Variants in SYNC observed in about 807,000 individuals in gnomAD.
The protein encoded by SYNC is syncoilin.
SYNC carries 38 observed loss-of-function variants against 49.5 expected under a neutral mutation model. The ratio of observed to expected loss-of-function variants is 0.77; its 90% confidence interval spans 0.59 to 1.01. SYNC has a LOEUF of 1.01. Ranked by LOEUF, SYNC falls within the 50% of genes least tolerant of loss-of-function variation. The pLI, the probability that SYNC is intolerant of heterozygous loss-of-function variation, is 0.00. For synonymous variants in SYNC, 201 were observed against 230.8 expected, an observed-to-expected ratio of 0.87 and a Z score of 1.17; for missense variants, 579 against 580.6, an observed-to-expected ratio of 1.00 and a Z score of 0.03.
At chr1:32,700,461 C>T (rs924938984) in intron 1 of SYNC, among the ~76,000 whole-genome samples, 3 of 152,086 alleles carry the variant, frequency 2.0e-5, no homozygotes, top group Admixed American at 6.6e-5. Flanking sequence ...TTTGGGAGGC[C>T]GAGGCGGGTG....
rs964189424 is a variant in SYNC at position 32,702,281 on chromosome 1, G to C, written c.53+327C>G. Among the ~76,000 whole-genome samples the C allele has an allele frequency of 1.3e-5, 2 of 152,248 alleles. No homozygotes were observed. Among genetic ancestry groups the C allele is most frequent in the African/African-American group, 4.8e-5 (2 of 41,468 alleles). On this transcript the variant is annotated intron_variant, in intron 1 of 4. Transcript: ENST00000409190. The surrounding 1 kb of genome is among the most constrained non-coding windows in gnomAD (Gnocchi z 6.2). ...GTCTCCAACTGACATTTGCAGGGAGGAATGAAGGCTAGCGAGAAGTGTCTT... is the reference window on the plus strand; with the variant it reads ...GTCTCCAACTGACATTTGCAGGGAGCAATGAAGGCTAGCGAGAAGTGTCTT...
At position 32,689,546 on chromosome 1, in the gene SYNC, C is replaced by G. The variant is rs948362472; in HGVS notation, c.1234-5164G>C. Among the ~76,000 whole-genome samples, 11 of 152,000 alleles carry G rather than the reference C, an allele frequency of 7.2e-5. 1 individual carries two copies. Among genetic ancestry groups the G allele is most frequent in the Admixed American group, 6.6e-4 (10 of 15,220 alleles). On this transcript the variant is annotated intron_variant, in intron 2 of 4. Coordinates refer to ENST00000409190, the MANE Select transcript of SYNC (RefSeq NM_030786.3). ...CCAGCACATAGCTCACTGCCTGGCC[C>G]ACAGTAATTAGGCACTTAGAAACTG...
chr1:32,680,009 GT>G lies in SYNC; in HGVS notation c.*1840del. The G allele has an allele frequency of 2.6e-6, 3 of 1,139,756 alleles. No individual in the cohort carries two copies. Among genetic ancestry groups the G allele is most frequent in the Non-Finnish European group, 3.2e-6 (3 of 929,134 alleles). 70.6% of individuals were successfully genotyped at this position (1,139,756 alleles called of 1,614,324 possible). On this transcript the variant is annotated 3_prime_UTR_variant, in exon 5 of 5. Coordinates refer to ENST00000409190, the MANE Select transcript of SYNC (RefSeq NM_030786.3). ...TTTTCTTCTTATGCTATATCCCCAAGTTTTTCAGACTCATTTAAGTAAAGGC... is the reference window on the plus strand; with the variant it reads ...TTTTCTTCTTATGCTATATCCCCAAGTTTTCAGACTCATTTAAGTAAAGGC...
chr1:32,687,855 A>ATTATTATTATTAATATTATTATT, intron 2 of SYNC, among the ~76,000 whole-genome samples: 1 of 135,502 alleles, frequency 7.4e-6, no homozygotes, highest in African/African-American at 2.7e-5. Context: ...TATTATTATT[A>ATTATTATTATTAATATTATTATT]TTATTATTTT....
intron 2 of SYNC, among the ~76,000 whole-genome samples, chr1:32,688,742 C>T (rs1650013487): frequency 6.6e-6 from 1 of 151,810 alleles, no homozygotes; most frequent in South Asian, 2.1e-4. Context: ...ACCACCACGC[C>T]CGGCTAATTT....
chr1:32,684,388 T>G lies in SYNC; in HGVS notation c.1234-6A>C. The G allele has an allele frequency of 6.2e-7, 1 of 1,614,186 alleles. No homozygotes were observed. The highest frequency in any genetic ancestry group is 8.5e-7 in the Non-Finnish European group (1 of 1,180,042). On this transcript the variant is annotated splice_polypyrimidine_tract_variant and splice_region_variant and intron_variant, in intron 2 of 4. Transcript: ENST00000409190. ...TCCATTTCCTCCAGCTGTTCCTGCA[T>G]GAGATGGCCAAGAACATTTCTAATG...
At chr1:32,698,681 C>G (rs947379777) in intron 1 of SYNC, among the ~76,000 whole-genome samples, 1 of 152,162 alleles carries the variant, frequency 6.6e-6, no homozygotes, top group African/African-American at 2.4e-5. Context: ...TGCCTATTGC[C>G]TGCCAGCTCA....
intron 1 of SYNC, among the ~76,000 whole-genome samples, chr1:32,696,400 T>C (rs190641463): frequency 6.6e-6 from 1 of 152,096 alleles, no homozygotes; most frequent in East Asian, 1.9e-4. Flanking sequence ...CTGCAACCTC[T>C]GTCCCCCAGT....
chr1:32,688,743 C>T (rs1182786134), intron 2 of SYNC, among the ~76,000 whole-genome samples: 2 of 151,926 alleles, frequency 1.3e-5, no homozygotes, highest in Non-Finnish European at 2.9e-5. Context: ...CCACCACGCC[C>T]GGCTAATTTT....
intron 4 of SYNC, 95 bp from the exon 5 acceptor site, chr1:32,681,955 G>T: frequency 9.2e-7 from 1 of 1,081,808 alleles, no homozygotes; most frequent in Non-Finnish European, 1.4e-6. Context: ...TGTGATTTAT[G>T]GATGATCAGG....
chr1:32,684,051 G>A lies in SYNC; in HGVS notation c.1397C>T (p.Ala466Val), dbSNP rs1570892957. 2 of 1,614,214 alleles carry A rather than the reference G, an allele frequency of 1.2e-6. No homozygotes were observed. Among genetic ancestry groups the A allele is most frequent in the African/African-American group, 1.3e-5 (1 of 75,062 alleles). Residue 466 changes from alanine (A) to valine (V), a missense_variant, in exon 4 of 5, where the codon GCT (alanine) becomes GTT (valine). Physicochemically the swap from Ala to Val is moderately conservative, Grantham distance 64. Coordinates refer to ENST00000409190, the MANE Select transcript of SYNC (RefSeq NM_030786.3). ...LLPKSLEQAD[A>V]PTSQAGGMET... is the part of the protein sequence containing the mutation. Reference sequence around the variant, plus strand: ...CATTCCACCTGCCTGAGAAGTGGGAGCATCAGCCTGTTCCAGGCTCTTGGG... The same window carrying A: ...CATTCCACCTGCCTGAGAAGTGGGAACATCAGCCTGTTCCAGGCTCTTGGG...
chr1:32,695,379 C>T lies in SYNC; in HGVS notation c.719G>A (p.Arg240Gln), dbSNP rs1250623725. The stretch of plus-strand genomic sequence containing the variant: ...TTTGAAAAGCTTCTGCTTGACCAGC[C>T]GGATCTCCTCCCTTAGGCCATCTCT... ...LERDGLREEIRLVKQKLFKVT... is the reference protein window; with the variant it reads ...LERDGLREEIQLVKQKLFKVT... The change falls in exon 2 of 5, where the codon CGG (arginine) becomes CAG (glutamine). Residue 240 changes from arginine (R) to glutamine (Q), a missense_variant. By Grantham distance (43) the Arg-to-Gln change is conservative (BLOSUM62 1). Coordinates refer to ENST00000409190, the MANE Select transcript of SYNC (RefSeq NM_030786.3). The T allele has an allele frequency of 1.3e-5, 20 of 1,551,564 alleles. No homozygotes were observed. The highest frequency in any genetic ancestry group is 4.1e-5 in the African/African-American group (3 of 72,876).
At chr1:32,690,532 C>G (rs915926451) in intron 2 of SYNC, among the ~76,000 whole-genome samples, 2 of 151,876 alleles carry the variant, frequency 1.3e-5, no homozygotes, top group African/African-American at 4.8e-5. Context: ...GTAATCCCAG[C>G]TACTTGGGAG....
In SYNC at chr1:32,702,103, G is replaced by A. The variant is rs968521476; in HGVS notation, c.53+505C>T. On this transcript the variant is annotated intron_variant, in intron 1 of 4. Coordinates refer to ENST00000409190, the MANE Select transcript of SYNC (RefSeq NM_030786.3). This position sits in a 1 kb window ranked among gnomAD's most constrained non-coding sequence, Gnocchi z 6.2. ...AATAATCAGCCGTGCCCTGCCAGGA[G>A]GGATAGTGGGGAGGGCCCCTGGACC... Among the ~76,000 whole-genome samples, 1 of 152,180 alleles carries A rather than the reference G, an allele frequency of 6.6e-6. No individual in the cohort carries two copies. Among genetic ancestry groups the A allele is most frequent in the African/African-American group, 2.4e-5 (1 of 41,440 alleles).
At position 32,684,315 on chromosome 1, in the gene SYNC, T is replaced by C. The variant is rs1283267529; in HGVS notation, c.1301A>G (p.Lys434Arg). The C allele has an allele frequency of 2.5e-6, 4 of 1,614,100 alleles. No individual in the cohort carries two copies. In the Admixed American group the frequency reaches 5.0e-5, roughly 20 times the overall value. Reference protein sequence around the residue: ...LRNGVQLQQQKNKEMEQLRLS... With the variant: ...LRNGVQLQQQRNKEMEQLRLS... ...CCTTAGCTGTTCCATCTCTTTGTTC[T>C]TCTGTTGCTGGAGTTGCACCCCATT... Residue 434 changes from lysine to arginine, a missense_variant, in exon 3 of 5, where the codon AAG (lysine) becomes AGG (arginine). Coordinates refer to ENST00000409190, the MANE Select transcript of SYNC (RefSeq NM_030786.3).
chr1:32,702,621 C>A lies in SYNC; in HGVS notation c.40G>T (p.Ala14Ser). ...PEPRRGGDGA[A>S]QAARKTRVEA... is the part of the protein sequence containing the mutation. ...GCACTGTCCTACCTCGCGGCCTGGG[C>A]GGCGCCGTCCCCGCCGCGCCGGGGC... The change falls in exon 1 of 5, where the codon GCC (alanine) becomes TCC (serine). Residue 14 changes from alanine (A) to serine (S), a missense_variant. Physicochemically the swap from Ala to Ser is moderately conservative, Grantham distance 99 (BLOSUM62 1). Coordinates refer to ENST00000409190, the MANE Select transcript of SYNC (RefSeq NM_030786.3). The surrounding 1 kb of genome is among the most constrained non-coding windows in gnomAD (Gnocchi z 6.2). 8.4e-7 allele frequency: 1 copy of A among 1,191,902 alleles called. No homozygotes were observed. Among genetic ancestry groups the A allele is most frequent in the Non-Finnish European group, 1.0e-6 (1 of 963,534 alleles). 73.8% of individuals were successfully genotyped at this position (1,191,902 alleles called of 1,614,324 possible). A position where few individuals can be genotyped will look rare whatever the true frequency, so the allele number is the denominator to read the frequency against.
chr1:32,697,744 CAAAA>C (rs966175267), intron 1 of SYNC, among the ~76,000 whole-genome samples: 33 of 150,186 alleles, frequency 2.2e-4, no homozygotes, highest in Non-Finnish European at 4.2e-4. Context: ...AAAAAAAAAA[CAAAA>C]AAAACCCAGC....
At position 32,695,693 on chromosome 1, in the gene SYNC, G is replaced by A. The variant is rs1300085234; in HGVS notation, c.405C>T (p.His135=). ...TGACTGTCTCTCCCTCATAAACAAC[G>A]TGCTCTGGGCTTGTGGGCTTTCCTG... ...VEPGKPTSPE[H]VVYEGETVTR... Residue 135 remains histidine (H), a synonymous_variant, in exon 2 of 5, where the codon CAC becomes CAT. Coordinates refer to ENST00000409190, the MANE Select transcript of SYNC (RefSeq NM_030786.3). 12 of 1,551,380 alleles carry A rather than the reference G, an allele frequency of 7.7e-6. No individual in the cohort carries two copies. Among genetic ancestry groups the A allele is most frequent in the East Asian group, 4.9e-5 (2 of 40,888 alleles).
intron 2 of SYNC, among the ~76,000 whole-genome samples, chr1:32,691,217 C>CA (rs1351738009): frequency 2.2e-5 from 3 of 138,676 alleles, no homozygotes; most frequent in South Asian, 2.3e-4. Context: ...GACTCCTTCT[C>CA]AAAAAACAAA....
Sources: allele counts gnomAD v4.1 joint callset (sites outside exome capture counted in the v4.1 genomes callset), GRCh38; gene constraint gnomAD v4.1.1; non-coding constraint Gnocchi (gnomAD v3.1); transcripts MANE v1.5; gene names NCBI Gene and HGNC (gene_info 2026-07-23, HGNC 2026-07-21).